The following CCDC25 variants were observed in gnomAD, a reference collection of about 807,000 sequenced individuals.
CCDC25 encodes coiled-coil domain containing 25.
CCDC25 carries 16 observed loss-of-function variants against 35.3 expected under a neutral mutation model. The ratio of observed to expected loss-of-function variants is 0.45; its 90% CI spans 0.31 to 0.69. The LOEUF is 0.69. CCDC25 is among the 30% of genes least tolerant of loss of function. The pLI is 0.06. For synonymous variants in CCDC25, 79 were observed against 80.3 expected, an observed-to-expected ratio of 0.98 and a Z score of 0.09; for missense variants, 179 against 250.7, an observed-to-expected ratio of 0.71 and a Z score of 1.93.
intron 2 of CCDC25, chr8:27,764,638 T>C (rs982063905): frequency 4.7e-6 from 1 of 210,694 alleles, no homozygotes; most frequent in African/African-American, 2.4e-5. Flanking sequence ...CAGAGGGCTC[T>C]AAAAATATCA....
At chr8:27,751,159 G>A (rs963154234) in intron 5 of CCDC25, among the ~76,000 whole-genome samples, 9 of 152,274 alleles carry the variant, frequency 5.9e-5, no homozygotes, top group Admixed American at 2.0e-4. Context: ...AAGCAGCTGG[G>A]CCAAGAATAA....
intron 1 of CCDC25, among the ~76,000 whole-genome samples, chr8:27,771,637 G>A (rs1349478555): frequency 3.3e-5 from 5 of 152,068 alleles, no homozygotes; most frequent in Admixed American, 1.3e-4. Context: ...TCCTGTCCAC[G>A]CCCTCAAGGG....
chr8:27,767,211 C>G (rs1804430576), intron 1 of CCDC25, among the ~76,000 whole-genome samples: 1 of 152,036 alleles, frequency 6.6e-6, no homozygotes, highest in Non-Finnish European at 1.5e-5. Context: ...ACTAAAAATA[C>G]AAAAATTAGC....
intron 8 of CCDC25, among the ~76,000 whole-genome samples, chr8:27,736,858 C>T (rs1803247736): frequency 6.6e-6 from 1 of 152,190 alleles, no homozygotes; most frequent in Non-Finnish European, 1.5e-5. Context: ...GTGTGGCTTA[C>T]AAGCAAGTCC....
intron 1 of CCDC25, among the ~76,000 whole-genome samples, chr8:27,771,556 T>A (rs1394686050): frequency 6.6e-6 from 1 of 152,174 alleles, no homozygotes; most frequent in African/African-American, 2.4e-5. Flanking sequence ...CTGTACTCAC[T>A]CCTTTTCTTC....
chr8:27,756,423 G>A, intron 4 of CCDC25: 1 of 294,690 alleles, frequency 3.4e-6, no homozygotes, highest in Non-Finnish European at 6.4e-6. Context: ...AAGTCTGGGA[G>A]TGTCAACTGA....
At chr8:27,747,076 G>C (rs1029869503) in intron 7 of CCDC25, among the ~76,000 whole-genome samples, 1 of 152,150 alleles carries the variant, frequency 6.6e-6, no homozygotes, top group African/African-American at 2.4e-5. Context: ...GAATTCGCAG[G>C]ATTAATTTCC....
Position 27,734,098 on chromosome 8 carries a change from T to C in CCDC25, c.*2118A>G, listed in dbSNP as rs964576981. ...TAATGTCCATCACTTATTCTGCTAA[T>C]GTCAGTGCCTTTCAATAAACTTCTC... On this transcript the variant is annotated 3_prime_UTR_variant, in exon 9 of 9. Transcript: ENST00000356537. 1 of 152,242 alleles carries C rather than the reference T, an allele frequency of 6.6e-6. No homozygotes were observed. The highest frequency in any genetic ancestry group is 1.5e-5 in the Non-Finnish European group (1 of 68,048). 9.4% of individuals were successfully genotyped at this position (152,242 alleles called of 1,614,324 possible).
chr8:27,747,654 T>C (rs1803650527), intron 7 of CCDC25: 1 of 176,700 alleles, frequency 5.7e-6, no homozygotes, highest in African/African-American at 2.4e-5. Flanking sequence ...ACTTTCAAAA[T>C]GTAAAAAAGA....
chr8:27,740,562 C>A (rs1803402648), intron 7 of CCDC25, 45 bp from the exon 8 acceptor site: 3 of 1,541,196 alleles, frequency 1.9e-6, no homozygotes, highest in Non-Finnish European at 2.7e-6. Context: ...TATGGTGATC[C>A]AGTCAACAAA....
chr8:27,770,688 G>A (rs1247584702), intron 1 of CCDC25, among the ~76,000 whole-genome samples: 2 of 150,720 alleles, frequency 1.3e-5, no homozygotes, highest in Admixed American at 6.6e-5. Flanking sequence ...GCAGTGAGCC[G>A]AGATCGTGCC....
At chr8:27,768,758 G>A (rs1320106900) in intron 1 of CCDC25, among the ~76,000 whole-genome samples, 2 of 152,050 alleles carry the variant, frequency 1.3e-5, no homozygotes, top group Admixed American at 6.5e-5. Context: ...CTTGACTTAC[G>A]GGTAGCAACC....
intron 7 of CCDC25, among the ~76,000 whole-genome samples, chr8:27,742,300 G>A (rs914893856): frequency 1.3e-5 from 2 of 152,186 alleles, no homozygotes; most frequent in Non-Finnish European, 2.9e-5. Flanking sequence ...AGACTTGTAA[G>A]CTTGTAAGAG....
At chr8:27,739,664 A>C (rs1324684612) in intron 8 of CCDC25, among the ~76,000 whole-genome samples, 1 of 152,228 alleles carries the variant, frequency 6.6e-6, no homozygotes, top group East Asian at 1.9e-4. Context: ...TCCATTTTAC[A>C]CAAGGGACTC....
At chr8:27,772,086 T>G in intron 1 of CCDC25, 1 of 191,800 alleles carries the variant, frequency 5.2e-6, no homozygotes, top group Non-Finnish European at 1.1e-5. Context: ...GCGCTTCCCT[T>G]AAGAAAAAGT....
chr8:27,759,927 A>C (rs1039387669), intron 3 of CCDC25, among the ~76,000 whole-genome samples: 1 of 152,170 alleles, frequency 6.6e-6, no homozygotes, highest in Non-Finnish European at 1.5e-5. Context: ...ACAGCTCCAC[A>C]AAGTGAAGCA....
chr8:27,749,017 C>A (rs549325770), intron 5 of CCDC25, among the ~76,000 whole-genome samples: 4 of 152,256 alleles, frequency 2.6e-5, no homozygotes, highest in African/African-American at 9.6e-5. Context: ...GGGACTACCA[C>A]GAGCTAGCCG....
At chr8:27,752,435 T>C in intron 5 of CCDC25, 77 bp downstream of exon 5, 1 of 1,117,184 alleles carries the variant, frequency 9.0e-7, no homozygotes, top group Non-Finnish European at 1.4e-6. Flanking sequence ...GTCAACAGCA[T>C]GCTCACTAAA....
intron 1 of CCDC25, among the ~76,000 whole-genome samples, chr8:27,768,619 C>T (rs1044291379): frequency 1.3e-5 from 2 of 151,378 alleles, no homozygotes; most frequent in Non-Finnish European, 2.9e-5. Context: ...ATCATTGCTG[C>T]ACAACAAGTC....
Sources: gnomAD v4.1 joint callset for allele counts (sites outside exome capture counted in the v4.1 genomes callset) on GRCh38, gnomAD v4.1.1 for gene constraint, MANE v1.5 for transcripts, NCBI Gene and HGNC (gene_info 2026-07-23, HGNC 2026-07-21) for gene names.